NPL: variants seen among roughly 807,000 people sequenced by gnomAD.
NPL encodes N-acetylneuraminate pyruvate lyase, also known as N-acetylneuraminate lyase.
NPL carries 32 observed loss-of-function variants against 41.1 expected under a neutral mutation model. The observed-to-expected ratio is 0.78, with a 90% CI of 0.59 to 1.05. The LOEUF (loss-of-function observed/expected upper bound fraction) is 1.05. NPL is among the 50% of genes least tolerant of loss of function. NPL has a pLI of 0.00. For missense variants in NPL, 321 were observed against 378.4 expected (o/e 0.85, Z 1.26); for synonymous variants, 128 against 134.9 (o/e 0.95, Z 0.35).
At chr1:182,806,091 T>C in intron 4 of NPL, 54 bp from the exon 5 acceptor site, 2 of 1,610,050 alleles carry the variant, frequency 1.2e-6, no homozygotes, top group Non-Finnish European at 1.7e-6. Flanking sequence ...AGACTCGGGG[T>C]TGGAGAAGCA....
At chr1:182,799,081 C>G (rs1666759144) in intron 3 of NPL, among the ~76,000 whole-genome samples, 1 of 152,096 alleles carries the variant, frequency 6.6e-6, no homozygotes, top group Non-Finnish European at 1.5e-5. Context: ...GTTCGTGCAC[C>G]AGGAGAGGAA....
chr1:182,800,414 T>G, intron 3 of NPL, among the ~76,000 whole-genome samples: 1 of 118,270 alleles, frequency 8.5e-6, no homozygotes, highest in African/African-American at 3.4e-5. Context: ...CCAGCCTGGG[T>G]GACAGAGCAA....
intron 12 of NPL, chr1:182,826,190 ATGAC>A: frequency 6.7e-6 from 2 of 299,404 alleles, no homozygotes; most frequent in East Asian, 1.5e-4. Flanking sequence ...TAAATTGTGA[ATGAC>A]TGACAGCTCT....
intron 11 of NPL, among the ~76,000 whole-genome samples, chr1:182,823,400 C>T (rs1360976396): frequency 6.6e-6 from 1 of 152,162 alleles, no homozygotes; most frequent in Admixed American, 6.5e-5. Flanking sequence ...ATTCCCTACC[C>T]GTAGGCCTCA....
At chr1:182,797,740 C>G (rs1279848485) in intron 3 of NPL, among the ~76,000 whole-genome samples, 4 of 152,140 alleles carry the variant, frequency 2.6e-5, no homozygotes, top group African/African-American at 9.7e-5. Flanking sequence ...CCATAGCACC[C>G]TTTTTGTATT....
intron 3 of NPL, among the ~76,000 whole-genome samples, chr1:182,803,322 C>T (rs1410499287): frequency 1.3e-5 from 2 of 152,204 alleles, no homozygotes; most frequent in African/African-American, 4.8e-5. Context: ...TTAACCATGT[C>T]TGCAACCATC....
chr1:182,818,659 A>T lies in NPL; in HGVS notation c.576A>T (p.Gln192His), dbSNP rs768871939. The T allele has an allele frequency of 5.6e-6, 9 of 1,614,090 alleles. No homozygotes were observed. The East Asian group carries it at 2.0e-4, about 36-fold the overall frequency. Residue 192 changes from glutamine (Q) to histidine (H), a missense_variant, in exon 9 of 13, where the codon CAA (glutamine) becomes CAT (histidine). Coordinates refer to ENST00000367553, the MANE Select transcript of NPL (RefSeq NM_030769.3). Reference sequence around the variant, plus strand: ...AATGTGTTGATCAGAATCGCCAGCAACAGTTTGCTTTCCTTTTTGGGGTGG... The same window carrying T: ...AATGTGTTGATCAGAATCGCCAGCATCAGTTTGCTTTCCTTTTTGGGGTGG... The part of the protein sequence containing the change: ...FGQCVDQNRQ[Q>H]QFAFLFGVDE...
chr1:182,796,996 C>T (rs1666688470), intron 3 of NPL, among the ~76,000 whole-genome samples: 1 of 150,072 alleles, frequency 6.7e-6, no homozygotes, highest in Non-Finnish European at 1.5e-5. Context: ...GATCATTCCA[C>T]TGCACTCTAC....
At chr1:182,804,000 T>C (rs1666932780) in intron 4 of NPL, among the ~76,000 whole-genome samples, 1 of 152,232 alleles carries the variant, frequency 6.6e-6, no homozygotes, top group Non-Finnish European at 1.5e-5. Context: ...AGGTATTATT[T>C]TTTATCCCCA....
intron 3 of NPL, among the ~76,000 whole-genome samples, chr1:182,800,125 AGTAGGGTGGGAAAACAAGT>A (rs1308951043): frequency 6.6e-6 from 1 of 152,032 alleles, no homozygotes; most frequent in Admixed American, 6.6e-5. Flanking sequence ...GTACCATCAG[AGTAGGGTGGGAAAACAAGT>A]GAAGGGACAG....
chr1:182,822,276 C>A, intron 11 of NPL, 77 bp downstream of exon 11: 1 of 923,414 alleles, frequency 1.1e-6, no homozygotes. Context: ...TTCTCTCTAC[C>A]ATGCCTGCCC....
intron 3 of NPL, among the ~76,000 whole-genome samples, chr1:182,796,693 G>C (rs1252877806): frequency 6.6e-6 from 1 of 152,146 alleles, no homozygotes; most frequent in Non-Finnish European, 1.5e-5. Flanking sequence ...TGGATCCCAA[G>C]CTTTGCCACT....
chr1:182,828,651 T>C lies in NPL; in HGVS notation c.779-73T>C, dbSNP rs1233883591. On this transcript the variant is annotated intron_variant, in intron 12 of 12. Coordinates refer to ENST00000367553, the MANE Select transcript of NPL (RefSeq NM_030769.3). The surrounding 1 kb of genome is among the most constrained non-coding windows in gnomAD (Gnocchi z 4.0). ...TGTAGTAGTTGCTGTTAGCATATGATCTCCTTCTTTGGGATTTTTGTGGAG... is the reference window on the plus strand; with the variant it reads ...TGTAGTAGTTGCTGTTAGCATATGACCTCCTTCTTTGGGATTTTTGTGGAG... 1.1e-5 allele frequency: 17 copies of C among 1,601,410 alleles called. No homozygotes were observed.
intron 5 of NPL, among the ~76,000 whole-genome samples, chr1:182,810,389 C>CTAGT (rs2102549124): frequency 6.6e-6 from 1 of 152,318 alleles, no homozygotes; most frequent in Non-Finnish European, 1.5e-5. Flanking sequence ...TCTCACAGGA[C>CTAGT]TAGTTCCTGG....
rs1021201838 is a variant in NPL, at chr1:182,789,786, G to A, written c.-91G>A. The A allele has an allele frequency of 6.5e-6, 1 of 152,984 alleles. No homozygotes were observed. The highest frequency in any genetic ancestry group is 1.5e-5 in the Non-Finnish European group (1 of 68,684). The allele number at this position is 152,984 out of a possible 1,614,324, so 9.5% of individuals were successfully genotyped here. ...CGGCTGCCGGGCGGAGCGGCTGCAC[G>A]GACAAGAGCGGAGGCCTGGGTGAGC... On this transcript the variant is annotated 5_prime_UTR_variant, in exon 1 of 13. Coordinates refer to ENST00000367553, the MANE Select transcript of NPL (RefSeq NM_030769.3).
At chr1:182,803,003 C>A (rs1468554916) in intron 3 of NPL, among the ~76,000 whole-genome samples, 1 of 152,216 alleles carries the variant, frequency 6.6e-6, no homozygotes, top group East Asian at 1.9e-4. Flanking sequence ...TAACTGCTAA[C>A]CTTGTTCAAT....
chr1:182,800,553 C>G (rs998314478), intron 3 of NPL, among the ~76,000 whole-genome samples: 51 of 151,742 alleles, frequency 3.4e-4, no homozygotes, highest in Non-Finnish European at 2.1e-4. Flanking sequence ...GATGATTTCA[C>G]CCCCACTTGT....
At chr1:182,807,228 G>C (rs1036741856) in intron 5 of NPL, among the ~76,000 whole-genome samples, 1 of 152,160 alleles carries the variant, frequency 6.6e-6, no homozygotes, top group Non-Finnish European at 1.5e-5. Context: ...CTGCCTTCAG[G>C]TTGCTGACCA....
Position 182,816,755 on chromosome 1 carries a change from CCTGCCCTGCCAT to C in NPL, c.407_418del (p.Pro136_Phe140delinsLeu). 1 of 1,613,296 alleles carries C rather than the reference CCTGCCCTGCCAT, an allele frequency of 6.2e-7. No homozygotes were observed. The highest frequency in any genetic ancestry group is 8.5e-7 in the Non-Finnish European group (1 of 1,179,732). Reference sequence around the variant, plus strand: ...CCTAAAGGAAGTGGCTGCTGCCGCCCCTGCCCTGCCATTTTATTACTATCACATTCCTGCCTT... The same window carrying C: ...CCTAAAGGAAGTGGCTGCTGCCGCCCTTTATTACTATCACATTCCTGCCTT... On this transcript the variant is annotated inframe_deletion, in exon 8 of 13. Coordinates refer to ENST00000367553, the MANE Select transcript of NPL (RefSeq NM_030769.3).
Sources: gnomAD v4.1 joint callset for allele counts (sites outside exome capture counted in the v4.1 genomes callset) on GRCh38, gnomAD v4.1.1 for gene constraint, Gnocchi (gnomAD v3.1) non-coding constraint, MANE v1.5 for transcripts, NCBI Gene and HGNC (gene_info 2026-07-23, HGNC 2026-07-21) for gene names.